Variants in SUPT3H observed in about 807,000 individuals in gnomAD.
SUPT3H encodes the protein transcription initiation protein SPT3 homolog.
In SUPT3H, 44 loss-of-function variants were observed where a neutral mutation model predicts 44.3. The observed-to-expected ratio is 0.99, with a 90% CI of 0.78 to 1.28. The LOEUF (loss-of-function observed/expected upper bound fraction) is 1.28, where lower values mean the gene tolerates loss of function less well. Ranked by LOEUF, SUPT3H falls within the 50% of genes most tolerant of loss-of-function variation. The pLI, the probability that SUPT3H is intolerant of heterozygous loss-of-function variation, is 0.00. For missense variants in SUPT3H, 380 were observed against 387.1 expected, an observed-to-expected ratio of 0.98 and a Z score of 0.15; for synonymous variants, 124 against 125.6, an observed-to-expected ratio of 0.99 and a Z score of 0.09.
chr6:44,973,139 T>G (rs892509179), intron 6 of SUPT3H, among the ~76,000 whole-genome samples: 3 of 152,194 alleles, frequency 2.0e-5, no homozygotes, highest in African/African-American at 7.2e-5. Flanking sequence ...TAAACATAAG[T>G]TCCAATTCCA....
intron 10 of SUPT3H, among the ~76,000 whole-genome samples, chr6:44,843,660 C>G (rs1771358956): frequency 6.6e-6 from 1 of 151,898 alleles, no homozygotes; most frequent in African/African-American, 2.4e-5. Flanking sequence ...TTAGGGGACT[C>G]TTAAAATATG....
chr6:45,158,289 TATATA>T lies in SUPT3H; in HGVS notation c.102-52288_102-52284del, dbSNP rs1458407042. The stretch of plus-strand genomic sequence containing the variant: ...ATATAAATATACATATATATATATA[TATATA>T]TATATTTTTTTTTTTTTTTTTTTGA... On this transcript the variant is annotated intron_variant, in intron 2 of 10. Transcript: ENST00000371459. Among the ~76,000 whole-genome samples, 46 of 44,748 alleles carry T rather than the reference TATATA, an allele frequency of 1.0e-3. 4 individuals are homozygous for T. Among genetic ancestry groups the T allele is most frequent in the South Asian group, 5.5e-3 (7 of 1,264 alleles). 29.4% of individuals were successfully genotyped at this position (44,748 alleles called of 152,430 possible).
intron 3 of SUPT3H, among the ~76,000 whole-genome samples, chr6:45,073,175 GTCAT>G (rs1407905264): frequency 1.3e-5 from 2 of 151,952 alleles, no homozygotes; most frequent in African/African-American, 4.8e-5. Flanking sequence ...CATGAGCAGT[GTCAT>G]TCAAACATAT....
chr6:44,901,989 C>T (rs1315676366), intron 10 of SUPT3H, among the ~76,000 whole-genome samples: 1 of 151,982 alleles, frequency 6.6e-6, no homozygotes, highest in Non-Finnish European at 1.5e-5. Flanking sequence ...ATTTTGTCAC[C>T]ACCAGGCCTG....
chr6:45,179,967 C>T (rs755309431), intron 2 of SUPT3H, among the ~76,000 whole-genome samples: 1 of 152,026 alleles, frequency 6.6e-6, no homozygotes, highest in Admixed American at 6.6e-5. Flanking sequence ...TCTAGAAAAC[C>T]CCACTGTCTC....
intron 4 of SUPT3H, among the ~76,000 whole-genome samples, chr6:45,018,352 T>C (rs1212442947): frequency 6.6e-6 from 1 of 151,312 alleles, no homozygotes; most frequent in Non-Finnish European, 1.5e-5. Flanking sequence ...TTCTCCTGCC[T>C]AATTGCCCTG....
Position 44,827,566 on chromosome 6 carries a change from T to TAACA in SUPT3H, c.*2246_*2249dup, listed in dbSNP as rs566864838. On this transcript the variant is annotated 3_prime_UTR_variant, in exon 11 of 11. Coordinates refer to ENST00000371459, the MANE Select transcript of SUPT3H (RefSeq NM_003599.4). Reference sequence around the variant, plus strand: ...TGATCTCTAAGACTATCTTCTGCTCTAACATTATGATTATTGAGAAAATAA... The same window carrying TAACA: ...TGATCTCTAAGACTATCTTCTGCTCTAACAAACATTATGATTATTGAGAAAATAA... 1.6e-4 allele frequency among the ~76,000 whole-genome samples: 24 copies of TAACA among 152,256 alleles called. No homozygotes were observed. The South Asian group carries it at 1.7e-3, about 11-fold the overall frequency.
Position 44,985,267 on chromosome 6 carries a change from C to T in SUPT3H, c.504+18386G>A, listed in dbSNP as rs112707474. On this transcript the variant is annotated intron_variant, in intron 6 of 10. Transcript: ENST00000371459. ...AATAAAATAGCCAGGCATGGTGGCA[C>T]GCATCTGTAGTCCCAGCTACTTAGG... is the stretch of plus-strand genomic sequence containing the variant. 8.9e-3 allele frequency among the ~76,000 whole-genome samples: 1,349 copies of T among 151,566 alleles called. 13 individuals carry two copies. The highest frequency in any genetic ancestry group is 0.025 in the South Asian group (118 of 4,764).
At chr6:44,933,845 G>C (rs1394737674) in intron 9 of SUPT3H, among the ~76,000 whole-genome samples, 1 of 152,144 alleles carries the variant, frequency 6.6e-6, no homozygotes, top group African/African-American at 2.4e-5. Context: ...ATATGGTCTC[G>C]CTATGATGCC....
chr6:45,255,077 T>C (rs894662102), intron 2 of SUPT3H, among the ~76,000 whole-genome samples: 2 of 152,182 alleles, frequency 1.3e-5, no homozygotes, highest in African/African-American at 2.4e-5. Context: ...TGCTGGCATA[T>C]TGCTATGATT....
chr6:44,875,502 C>T (rs1777131936), intron 10 of SUPT3H, among the ~76,000 whole-genome samples: 1 of 45,628 alleles, frequency 2.2e-5, no homozygotes, highest in Non-Finnish European at 5.2e-5. Context: ...AAAATTAATT[C>T]AAGATGGATT....
At position 45,070,326 on chromosome 6, in the gene SUPT3H, TG is replaced by T. The variant is rs1377709887; in HGVS notation, c.186+35595del. ...AGTTTTCAGATCAACAGAAGATTTCTGATCTTTCAAGACCACCCAAAGCCAA... is the reference window on the plus strand; with the variant it reads ...AGTTTTCAGATCAACAGAAGATTTCTATCTTTCAAGACCACCCAAAGCCAA... On this transcript the variant is annotated intron_variant, in intron 3 of 10. Coordinates refer to ENST00000371459, the MANE Select transcript of SUPT3H (RefSeq NM_003599.4). 2.6e-5 allele frequency among the ~76,000 whole-genome samples: 4 copies of T among 152,206 alleles called. No homozygotes were observed. In the South Asian group the frequency reaches 6.2e-4, roughly 24 times the overall value.
rs1360607816 is a variant in SUPT3H, at chr6:45,288,613, GTATA to G, written c.101+76584_101+76587del. 2.5e-3 allele frequency among the ~76,000 whole-genome samples: 147 copies of G among 59,090 alleles called. 1 individual carries two copies. The highest frequency in any genetic ancestry group is 9.8e-3 in the Middle Eastern group (1 of 102). The allele number at this position is 59,090 out of a possible 152,430, so 38.8% of individuals were successfully genotyped here. ...TATATATATGTGTATATATATATAT[GTATA>G]TATATATATATATATATAGCAAAGC... On this transcript the variant is annotated intron_variant, in intron 2 of 10. Coordinates refer to ENST00000371459, the MANE Select transcript of SUPT3H (RefSeq NM_003599.4).
intron 2 of SUPT3H, among the ~76,000 whole-genome samples, chr6:45,234,568 C>CAT (rs1314515080): frequency 1.4e-4 from 21 of 146,010 alleles, no homozygotes; most frequent in Admixed American, 6.1e-4. Context: ...AAAAGAAATA[C>CAT]ATATATATAT....
chr6:45,060,345 G>A (rs1791788633), intron 3 of SUPT3H, among the ~76,000 whole-genome samples: 1 of 151,994 alleles, frequency 6.6e-6, no homozygotes, highest in African/African-American at 2.4e-5. Flanking sequence ...ACAAGCAATG[G>A]GGAAAAGATT....
chr6:45,277,756 A>C (rs1777270437), intron 2 of SUPT3H, among the ~76,000 whole-genome samples: 1 of 152,216 alleles, frequency 6.6e-6, no homozygotes, highest in Non-Finnish European at 1.5e-5. Flanking sequence ...TGTGGCACAT[A>C]AGGAAAATTA....
rs370272468 is a variant in SUPT3H at position 45,263,995 on chromosome 6, A to G, written c.101+101206T>C. Among the ~76,000 whole-genome samples, 15 of 152,304 alleles carry G rather than the reference A, an allele frequency of 9.8e-5. No individual in the cohort carries two copies. In the East Asian group the frequency reaches 2.9e-3, roughly 29 times the overall value. On this transcript the variant is annotated intron_variant, in intron 2 of 10. Transcript: ENST00000371459. Reference sequence around the variant, plus strand: ...ATACCTTCCAGAGGATCGATTCTCCAACATAAAATTGAAAGAAAACCAGAT... The same window carrying G: ...ATACCTTCCAGAGGATCGATTCTCCGACATAAAATTGAAAGAAAACCAGAT...
At chr6:44,956,510 A>G (rs1187906122) in intron 7 of SUPT3H, among the ~76,000 whole-genome samples, 1 of 140,952 alleles carries the variant, frequency 7.1e-6, no homozygotes, top group Non-Finnish European at 1.5e-5. Context: ...AAATAAAAAA[A>G]AAAAAGTGTC....
chr6:44,817,901 G>T (rs945937379), intron 11 of SUPT3H, among the ~76,000 whole-genome samples: 1 of 152,120 alleles, frequency 6.6e-6, no homozygotes, highest in African/African-American at 2.4e-5. Flanking sequence ...TAAGGTGTCA[G>T]TTCTTTCCAA....
Sources: gnomAD v4.1 joint callset for allele counts (sites outside exome capture counted in the v4.1 genomes callset) on GRCh38, gnomAD v4.1.1 for gene constraint, MANE v1.5 for transcripts, NCBI Gene and HGNC (gene_info 2026-07-23, HGNC 2026-07-21) for gene names.